Variants in DLGAP2 observed in about 807,000 individuals in gnomAD.
The protein encoded by DLGAP2 is disks large-associated protein 2.
DLGAP2 carries 26 observed loss-of-function variants against 100.3 expected under a neutral mutation model. That is an observed-to-expected ratio of 0.26 (90% CI 0.19 to 0.36). DLGAP2 has a LOEUF of 0.36. DLGAP2 is among the 10% of genes least tolerant of loss of function. The probability of loss-of-function intolerance (pLI) is 1.00; values close to 1 mark genes in which losing one functional copy is unlikely to be tolerated. For synonymous variants in DLGAP2, 886 were observed against 630.1 expected, an observed-to-expected ratio of 1.41 and a Z score of -6.08; for missense variants, 1,858 against 1,453.2, an observed-to-expected ratio of 1.28 and a Z score of -4.53.
chr8:996,509 C>T (rs1259279634), intron 2 of DLGAP2, among the ~76,000 whole-genome samples: 1 of 152,122 alleles, frequency 6.6e-6, no homozygotes, highest in Non-Finnish European at 1.5e-5. Context: ...CAGGTTTGTG[C>T]CTGTCGATGG....
chr8:1,581,549 AAACT>A (rs1803261519), intron 6 of DLGAP2, among the ~76,000 whole-genome samples: 1 of 151,638 alleles, frequency 6.6e-6, no homozygotes, highest in African/African-American at 2.4e-5. Context: ...CACCACAGTC[AAACT>A]ACCAGAAAGA....
chr8:1,697,160 T>TGCCGAG lies in DLGAP2; in HGVS notation c.2816_2821dup (p.Arg939_Pro940dup), dbSNP rs1383809303. The TGCCGAG allele has an allele frequency of 6.3e-7, 1 of 1,592,980 alleles. No homozygotes were observed. The highest frequency in any genetic ancestry group is 8.6e-7 in the Non-Finnish European group (1 of 1,168,088). On this transcript the variant is annotated inframe_insertion, in exon 14 of 15. Coordinates refer to ENST00000637795, the MANE Select transcript of DLGAP2 (RefSeq NM_001346810.2). ...GTGTGTCCCCAGGACCCCAGCGCCA[T>TGCCGAG]GCCGAGGCCGACGTCGCAGGACCTG...
chr8:1,255,799 G>A (rs1799192005), intron 2 of DLGAP2, among the ~76,000 whole-genome samples: 1 of 138,496 alleles, frequency 7.2e-6, no homozygotes, highest in African/African-American at 2.8e-5. Flanking sequence ...TCCTGCCTGG[G>A]TGCTATGTGT....
chr8:1,464,728 T>A (rs750400905), intron 3 of DLGAP2, among the ~76,000 whole-genome samples: 1 of 152,184 alleles, frequency 6.6e-6, no homozygotes, highest in Non-Finnish European at 1.5e-5. Flanking sequence ...GAAAGTGACC[T>A]TGGGGGCCAG....
chr8:770,983 T>A (rs74892975), intron 1 of DLGAP2, among the ~76,000 whole-genome samples: 1 of 152,042 alleles, frequency 6.6e-6, no homozygotes, highest in South Asian at 2.1e-4. Context: ...TTTAAAATAT[T>A]ACTGCTAGAT....
chr8:1,627,465 C>T (rs2130771321), intron 7 of DLGAP2, among the ~76,000 whole-genome samples: 1 of 152,326 alleles, frequency 6.6e-6, no homozygotes, highest in Middle Eastern at 3.4e-3. Context: ...CCCCTGCTCC[C>T]CACCTGTGGT....
At chr8:1,557,035 G>A (rs1019647819) in intron 5 of DLGAP2, among the ~76,000 whole-genome samples, 11 of 151,802 alleles carry the variant, frequency 7.2e-5, no homozygotes, top group South Asian at 6.3e-4. Flanking sequence ...AGCTCAGCAC[G>A]GGGGTGGGGG....
At chr8:1,687,998 A>G (rs1480001719) in intron 12 of DLGAP2, among the ~76,000 whole-genome samples, 2 of 152,300 alleles carry the variant, frequency 1.3e-5, no homozygotes, top group African/African-American at 4.8e-5. Context: ...CAGCGAGTCC[A>G]GGGCTGCAGA....
At chr8:1,112,924 C>G (rs1338149135) in intron 2 of DLGAP2, among the ~76,000 whole-genome samples, 2 of 152,146 alleles carry the variant, frequency 1.3e-5, no homozygotes, top group East Asian at 1.9e-4. Flanking sequence ...CTACGTATGA[C>G]TAGCCGGTTA....
In DLGAP2 at chr8:1,626,768, G is replaced by A. The variant is rs747081950; in HGVS notation, c.1471G>A (p.Val491Met). ...TQTYLQAASD[V>M]PVGHSLDPAA... ...GACCTACCTGCAAGCTGCAAGCGATGTGCCTGTGGGACACAGCCTGGACCC... is the reference window on the plus strand; with the variant it reads ...GACCTACCTGCAAGCTGCAAGCGATATGCCTGTGGGACACAGCCTGGACCC... Residue 491 changes from valine (V) to methionine (M), a missense_variant, in exon 7 of 15, where the codon GTG becomes ATG. Coordinates refer to ENST00000637795, the MANE Select transcript of DLGAP2 (RefSeq NM_001346810.2). 1.1e-5 allele frequency: 17 copies of A among 1,604,140 alleles called. No homozygotes were observed. The highest frequency in any genetic ancestry group is 1.4e-5 in the Non-Finnish European group (17 of 1,175,720).
intron 2 of DLGAP2, among the ~76,000 whole-genome samples, chr8:1,214,124 C>T (rs930180989): frequency 6.6e-6 from 1 of 152,204 alleles, no homozygotes; most frequent in African/African-American, 2.4e-5. Context: ...TCTTACCACA[C>T]TTTCTCCCAG....
chr8:847,905 A>T (rs554922284), intron 1 of DLGAP2, among the ~76,000 whole-genome samples: 1 of 151,700 alleles, frequency 6.6e-6, no homozygotes, highest in East Asian at 1.9e-4. Context: ...GGTGGTTCTT[A>T]TTTTGACTTT....
intron 2 of DLGAP2, among the ~76,000 whole-genome samples, chr8:1,148,566 C>G (rs1299643974): frequency 2.8e-5 from 1 of 35,154 alleles, no homozygotes; most frequent in Non-Finnish European, 7.0e-5. Context: ...CTTAATACTT[C>G]AATTTTTTAT....
chr8:970,973 A>G (rs1800000014), intron 2 of DLGAP2, among the ~76,000 whole-genome samples: 1 of 152,214 alleles, frequency 6.6e-6, no homozygotes, highest in South Asian at 2.1e-4. Context: ...AATAAATTTT[A>G]CCTCCATGTT....
At position 1,039,806 on chromosome 8, in the gene DLGAP2, G is replaced by A. The variant is rs1230581241; in HGVS notation, c.73+131840G>A. On this transcript the variant is annotated intron_variant, in intron 2 of 14. Transcript: ENST00000637795. ...GGTATGCATGTTCAGCTCGGTTTCC[G>A]TGGTCGGCTCGGTGTGCATGGTCGG... 6.9e-5 allele frequency among the ~76,000 whole-genome samples: 10 copies of A among 144,010 alleles called. No individual in the cohort carries two copies. In the East Asian group the frequency reaches 8.6e-4, roughly 12 times the overall value. The allele number at this position is 144,010 out of a possible 152,430, so 94.5% of individuals were successfully genotyped here.
chr8:1,386,442 T>G (rs1796221292), intron 3 of DLGAP2, among the ~76,000 whole-genome samples: 3 of 152,162 alleles, frequency 2.0e-5, no homozygotes, highest in African/African-American at 7.2e-5. Flanking sequence ...ATGGCTTCCA[T>G]CTTCTCCAGA....
chr8:993,729 C>T (rs911724247), intron 2 of DLGAP2, among the ~76,000 whole-genome samples: 5 of 149,166 alleles, frequency 3.4e-5, no homozygotes, highest in Admixed American at 1.3e-4. Flanking sequence ...AACATAGTGG[C>T]CAGAGGAGCA....
At chr8:1,343,491 C>T (rs1321916550) in intron 3 of DLGAP2, among the ~76,000 whole-genome samples, 4 of 152,202 alleles carry the variant, frequency 2.6e-5, no homozygotes, top group South Asian at 2.1e-4. Flanking sequence ...GGAAAACTGG[C>T]ACCACATGGC....
At chr8:1,145,729 C>T (rs1048567964) in intron 2 of DLGAP2, among the ~76,000 whole-genome samples, 1 of 149,568 alleles carries the variant, frequency 6.7e-6, no homozygotes, top group African/African-American at 2.5e-5. Context: ...CGTCATTTAG[C>T]ATTAGGTATA....
Sources: gnomAD v4.1 joint callset for allele counts (sites outside exome capture counted in the v4.1 genomes callset) on GRCh38, gnomAD v4.1.1 for gene constraint, MANE v1.5 for transcripts, NCBI Gene and HGNC (gene_info 2026-07-23, HGNC 2026-07-21) for gene names.